Variants in SGCZ observed in about 807,000 individuals in gnomAD.
SGCZ encodes the protein zeta-sarcoglycan.
Under a neutral mutation model 41.3 loss-of-function variants are expected in SGCZ, and 40 were observed. That is an observed-to-expected ratio of 0.97 (90% CI 0.75 to 1.26). The LOEUF (loss-of-function observed/expected upper bound fraction) is 1.26. Among genes scored for constraint, SGCZ ranks in the 50% most tolerant of loss-of-function variants. The pLI is 0.00. For missense variants in SGCZ, 552 were observed against 369.8 expected (o/e 1.49, Z -4.04); for synonymous variants, 206 against 137.5 (o/e 1.50, Z -3.49).
Position 14,125,567 on chromosome 8 carries a change from C to T in SGCZ, c.548-17332G>A, listed in dbSNP as rs147225753. Among the ~76,000 whole-genome samples the T allele has an allele frequency of 6.2e-3, 928 of 150,426 alleles. 11 individuals carry two copies. Among genetic ancestry groups the T allele is most frequent in the African/African-American group, 0.022 (900 of 41,012 alleles). ...TGGCCACACTGCCCAAAGTAATTTA[C>T]AGATTTAATGCTATTTCCATCAAAC... On this transcript the variant is annotated intron_variant, in intron 5 of 7. Coordinates refer to ENST00000382080, the MANE Select transcript of SGCZ (RefSeq NM_139167.4).
At chr8:14,258,691 G>A (rs1799549899) in intron 3 of SGCZ, among the ~76,000 whole-genome samples, 1 of 152,084 alleles carries the variant, frequency 6.6e-6, no homozygotes, top group African/African-American at 2.4e-5. Context: ...TAATGTAATG[G>A]TCTTGTGATT....
intron 3 of SGCZ, among the ~76,000 whole-genome samples, chr8:14,284,774 A>G (rs1338768405): frequency 6.6e-6 from 1 of 152,026 alleles, no homozygotes; most frequent in Non-Finnish European, 1.5e-5. Context: ...TTTGGTCCTA[A>G]GTTACTGTTG....
At chr8:14,516,936 G>A (rs1265684317) in intron 2 of SGCZ, among the ~76,000 whole-genome samples, 1 of 151,900 alleles carries the variant, frequency 6.6e-6, no homozygotes, top group Non-Finnish European at 1.5e-5. Context: ...GAAATACTTG[G>A]AGGATTTGTT....
chr8:15,125,053 T>A (rs1477815729), intron 1 of SGCZ, among the ~76,000 whole-genome samples: 2 of 152,182 alleles, frequency 1.3e-5, no homozygotes, highest in Non-Finnish European at 1.5e-5. Context: ...TACACTAAGA[T>A]GAAGCTGCAC....
At chr8:14,880,254 T>C (rs1804537079) in intron 1 of SGCZ, among the ~76,000 whole-genome samples, 1 of 152,162 alleles carries the variant, frequency 6.6e-6, no homozygotes, top group Admixed American at 6.5e-5. Context: ...CACAATGAGA[T>C]ACCATCTCAC....
At chr8:14,109,989 C>T (rs932183289) in intron 5 of SGCZ, among the ~76,000 whole-genome samples, 2 of 152,094 alleles carry the variant, frequency 1.3e-5, no homozygotes, top group Non-Finnish European at 2.9e-5. Context: ...CTCTGTAGGA[C>T]ATATGGTCCT....
At chr8:14,178,125 T>C (rs1466636531) in intron 4 of SGCZ, among the ~76,000 whole-genome samples, 2 of 151,664 alleles carry the variant, frequency 1.3e-5, no homozygotes, top group African/African-American at 4.8e-5. Context: ...CCCCGGCTAA[T>C]TGTGTTTTTG....
chr8:14,420,875 C>A lies in SGCZ; in HGVS notation c.235-96671G>T, dbSNP rs372402654. On this transcript the variant is annotated intron_variant, in intron 2 of 7. Coordinates refer to ENST00000382080, the MANE Select transcript of SGCZ (RefSeq NM_139167.4). ...CTCTATTAGAATAAAGGAATACTTG[C>A]TTTATATTTGTATGCAGTTCTTTCC... 2.6e-5 allele frequency among the ~76,000 whole-genome samples: 4 copies of A among 152,152 alleles called. No individual in the cohort carries two copies. In the East Asian group the frequency reaches 7.7e-4, roughly 29 times the overall value.
At chr8:14,806,574 A>G (rs1376911998) in intron 1 of SGCZ, among the ~76,000 whole-genome samples, 2 of 152,172 alleles carry the variant, frequency 1.3e-5, no homozygotes, top group African/African-American at 4.8e-5. Flanking sequence ...GAATCTGAAA[A>G]TGTGGCAATA....
intron 1 of SGCZ, among the ~76,000 whole-genome samples, chr8:15,043,400 G>A (rs1338031749): frequency 6.6e-6 from 1 of 151,696 alleles, no homozygotes; most frequent in African/African-American, 2.4e-5. Context: ...AATCTATGCT[G>A]GTCCATTTTA....
intron 1 of SGCZ, among the ~76,000 whole-genome samples, chr8:15,198,033 T>C (rs1030539767): frequency 6.8e-6 from 1 of 147,566 alleles, no homozygotes; most frequent in African/African-American, 2.5e-5. Flanking sequence ...TTATGTTACA[T>C]TATATATTTA....
intron 1 of SGCZ, among the ~76,000 whole-genome samples, chr8:14,744,341 C>G (rs1397740451): frequency 2.0e-5 from 3 of 152,116 alleles, no homozygotes; most frequent in Non-Finnish European, 4.4e-5. Context: ...TTTGGGCCAA[C>G]AGGTCTATAG....
chr8:14,498,208 CT>C (rs1453874435), intron 2 of SGCZ, among the ~76,000 whole-genome samples: 1 of 152,086 alleles, frequency 6.6e-6, no homozygotes, highest in East Asian at 1.9e-4. Flanking sequence ...ATGCTGATAA[CT>C]TTGTATGCCA....
chr8:14,791,690 G>A (rs903063430), intron 1 of SGCZ, among the ~76,000 whole-genome samples: 36 of 152,264 alleles, frequency 2.4e-4, no homozygotes, highest in African/African-American at 8.2e-4. Context: ...GCTGTTCACA[G>A]CAACCCAGGA....
intron 1 of SGCZ, among the ~76,000 whole-genome samples, chr8:14,865,212 T>C (rs1408830651): frequency 6.6e-6 from 1 of 152,094 alleles, no homozygotes; most frequent in Non-Finnish European, 1.5e-5. Context: ...CTTCACCTCC[T>C]GCATCTCCTC....
At chr8:14,627,494 G>C (rs187051808) in intron 1 of SGCZ, among the ~76,000 whole-genome samples, 32 of 152,028 alleles carry the variant, frequency 2.1e-4, no homozygotes, top group African/African-American at 7.2e-4. Flanking sequence ...TCCTCACAAA[G>C]TCTTATATTT....
intron 1 of SGCZ, among the ~76,000 whole-genome samples, chr8:14,863,434 C>G (rs1225864318): frequency 6.6e-6 from 1 of 152,082 alleles, no homozygotes; most frequent in Non-Finnish European, 1.5e-5. Flanking sequence ...AAGCAATCCT[C>G]CCACCTCAGC....
Position 14,135,928 on chromosome 8 carries a change from C to A in SGCZ, c.548-27693G>T, listed in dbSNP as rs185630337. Among the ~76,000 whole-genome samples, 977 of 152,072 alleles carry A rather than the reference C, an allele frequency of 6.4e-3. 6 individuals carry two copies. The highest frequency in any genetic ancestry group is 0.022 in the African/African-American group (929 of 41,482). ...ATAAAAGGAGTTAGCACCAATTTTA[C>A]ATATCTTACAAAAAATAGAAGAGGA... is the stretch of plus-strand genomic sequence containing the variant. On this transcript the variant is annotated intron_variant, in intron 5 of 7. Coordinates refer to ENST00000382080, the MANE Select transcript of SGCZ (RefSeq NM_139167.4).
chr8:14,363,348 C>G lies in SGCZ; in HGVS notation c.235-39144G>C, dbSNP rs113716412. Among the ~76,000 whole-genome samples, 109 of 152,248 alleles carry G rather than the reference C, an allele frequency of 7.2e-4. 3 individuals are homozygous for G. Among genetic ancestry groups the G allele is most frequent in the African/African-American group, 2.3e-3 (94 of 41,550 alleles). On this transcript the variant is annotated intron_variant, in intron 2 of 7. Transcript: ENST00000382080. ...TGACTTTCAGACTGAGACTAGACTA[C>G]TATAGTTATGGTCTAGAGATGACAT...
Sources: allele counts gnomAD v4.1 joint callset (sites outside exome capture counted in the v4.1 genomes callset), GRCh38; gene constraint gnomAD v4.1.1; transcripts MANE v1.5; gene names NCBI Gene and HGNC (gene_info 2026-07-23, HGNC 2026-07-21).